The following PTN variants were observed in gnomAD, a reference collection of about 807,000 sequenced individuals.
PTN encodes pleiotrophin, also known as heparin affin regulatory protein.
Under a neutral mutation model 24.1 loss-of-function variants are expected in PTN, and 18 were observed. The ratio of observed to expected loss-of-function variants is 0.75; its 90% CI spans 0.52 to 1.11. The LOEUF (loss-of-function observed/expected upper bound fraction) is 1.11, where lower values mean the gene tolerates loss of function less well. Among genes scored for constraint, PTN ranks in the 50% least tolerant of loss-of-function variants. The pLI, the probability that PTN is intolerant of heterozygous loss-of-function variation, is 0.00. For synonymous variants in PTN, 78 were observed against 68.6 expected (o/e 1.14, Z -0.67); for missense variants, 163 against 198.8 (o/e 0.82, Z 1.08).
chr7:137,264,263 G>A (rs566359165), intron 1 of PTN, among the ~76,000 whole-genome samples: 3 of 152,134 alleles, frequency 2.0e-5, no homozygotes, highest in South Asian at 4.1e-4. Flanking sequence ...TTAGAGTCCC[G>A]GTACACTTAT....
chr7:137,292,560 G>A (rs1809655333), intron 1 of PTN, among the ~76,000 whole-genome samples: 1 of 152,140 alleles, frequency 6.6e-6, no homozygotes, highest in Non-Finnish European at 1.5e-5. Context: ...CAGCCATGTG[G>A]AACTGTGAGT....
intron 1 of PTN, among the ~76,000 whole-genome samples, chr7:137,257,136 T>C (rs1808941395): frequency 6.6e-6 from 1 of 152,208 alleles, no homozygotes; most frequent in African/African-American, 2.4e-5. Context: ...ATTTCACTTA[T>C]CAATTAAAAT....
chr7:137,279,646 G>C (rs1809433022), intron 1 of PTN, among the ~76,000 whole-genome samples: 1 of 152,170 alleles, frequency 6.6e-6, no homozygotes, highest in Non-Finnish European at 1.5e-5. Context: ...ATAAACTATA[G>C]AGATAGAAAA....
rs1008244960 is a variant in PTN at position 137,319,613 on chromosome 7, G to T, written c.-2+23826C>A. ...GAAAACCCAGGATGTCTCCCCTGTGGGGTTTTGTTTTCCATTTTATCAGGA... is the reference window on the plus strand; with the variant it reads ...GAAAACCCAGGATGTCTCCCCTGTGTGGTTTTGTTTTCCATTTTATCAGGA... On this transcript the variant is annotated intron_variant, in intron 1 of 4. Coordinates refer to ENST00000348225, the MANE Select transcript of PTN (RefSeq NM_002825.7). Among the ~76,000 whole-genome samples the T allele has an allele frequency of 2.0e-5, 3 of 152,176 alleles. No individual in the cohort carries two copies. In the East Asian group the frequency reaches 5.8e-4, roughly 29 times the overall value.
chr7:137,322,737 G>T (rs928360158), intron 1 of PTN, among the ~76,000 whole-genome samples: 1 of 152,088 alleles, frequency 6.6e-6, no homozygotes, highest in African/African-American at 2.4e-5. Context: ...TACAGAATAA[G>T]CATTTTTCCG....
chr7:137,327,563 C>T (rs1054249151), intron 1 of PTN, among the ~76,000 whole-genome samples: 12 of 152,080 alleles, frequency 7.9e-5, no homozygotes, highest in South Asian at 2.1e-4. Flanking sequence ...TGGGATGTGA[C>T]GGGAGGAGGA....
chr7:137,294,029 G>C (rs1340937247), intron 1 of PTN, among the ~76,000 whole-genome samples: 1 of 152,020 alleles, frequency 6.6e-6, no homozygotes, highest in Non-Finnish European at 1.5e-5. Flanking sequence ...TCTTGAGTCT[G>C]TTCTTACACA....
intron 4 of PTN, among the ~76,000 whole-genome samples, chr7:137,238,083 T>C (rs1307528507): frequency 6.6e-6 from 1 of 152,132 alleles, no homozygotes; most frequent in Non-Finnish European, 1.5e-5. Flanking sequence ...CTAGAAAAAG[T>C]CTTTATTATT....
chr7:137,235,436 T>C (rs886633659), intron 4 of PTN, among the ~76,000 whole-genome samples: 2 of 152,128 alleles, frequency 1.3e-5, no homozygotes, highest in Admixed American at 6.6e-5. Flanking sequence ...AATTTCCAAA[T>C]ATTTCAGTTT....
intron 1 of PTN, among the ~76,000 whole-genome samples, chr7:137,337,677 A>C (rs756075592): frequency 1.6e-4 from 24 of 152,220 alleles, no homozygotes; most frequent in Non-Finnish European, 2.9e-4. Flanking sequence ...GATTAGGAAG[A>C]CACTGTAGAG....
At chr7:137,297,015 A>T (rs1809729636) in intron 1 of PTN, among the ~76,000 whole-genome samples, 1 of 152,138 alleles carries the variant, frequency 6.6e-6, no homozygotes, top group South Asian at 2.1e-4. Flanking sequence ...AATTTAAATC[A>T]GCAAATACAT....
intron 1 of PTN, among the ~76,000 whole-genome samples, chr7:137,265,599 G>T (rs555618587): frequency 8.5e-5 from 13 of 152,344 alleles, no homozygotes; most frequent in African/African-American, 2.9e-4. Context: ...CAGACTTTGG[G>T]ATATAGCAGA....
intron 1 of PTN, among the ~76,000 whole-genome samples, chr7:137,331,242 AC>A (rs1180080148): frequency 6.6e-6 from 1 of 152,062 alleles, no homozygotes; most frequent in East Asian, 1.9e-4. Context: ...ATCCACATCT[AC>A]CCCCTTATTC....
At chr7:137,240,877 T>G (rs1808616642) in intron 4 of PTN, among the ~76,000 whole-genome samples, 1 of 152,226 alleles carries the variant, frequency 6.6e-6, no homozygotes, top group Admixed American at 6.5e-5. Context: ...TTAAGTCCTC[T>G]GCATATTAGT....
rs200136588 is a variant in PTN at position 137,274,373 on chromosome 7, T to TA, written c.-1-19400_-1-19399insT. Among the ~76,000 whole-genome samples the TA allele has an allele frequency of 7.4e-4, 112 of 152,194 alleles. 1 individual carries two copies. Among genetic ancestry groups the TA allele is most frequent in the African/African-American group, 2.6e-3 (106 of 41,520 alleles). On this transcript the variant is annotated intron_variant, in intron 1 of 4. Transcript: ENST00000348225. Reference sequence around the variant, plus strand: ...TAGTGACACAGAACAGTATTTTTTTTTATATATACTTTAAGTTCTGGGGTA... The same window carrying TA: ...TAGTGACACAGAACAGTATTTTTTTTATATATATACTTTAAGTTCTGGGGTA...
At chr7:137,323,589 CT>C (rs780990108) in intron 1 of PTN, among the ~76,000 whole-genome samples, 7 of 152,122 alleles carry the variant, frequency 4.6e-5, no homozygotes, top group Non-Finnish European at 7.4e-5. Context: ...AGGGATTTTG[CT>C]TTCTTAATGT....
chr7:137,229,538 T>A (rs1256761331), intron 4 of PTN, among the ~76,000 whole-genome samples: 2 of 151,808 alleles, frequency 1.3e-5, no homozygotes, highest in African/African-American at 4.8e-5. Context: ...CAAAGTCCAT[T>A]ACACACTAGT....
chr7:137,320,187 T>C (rs1192235893), intron 1 of PTN, among the ~76,000 whole-genome samples: 3 of 152,236 alleles, frequency 2.0e-5, no homozygotes, highest in East Asian at 3.9e-4. Context: ...AACAGTCTTC[T>C]ACTTTTGTCT....
At chr7:137,293,469 T>A (rs1809672446) in intron 1 of PTN, among the ~76,000 whole-genome samples, 1 of 152,096 alleles carries the variant, frequency 6.6e-6, no homozygotes, top group Non-Finnish European at 1.5e-5. Context: ...CTAGCATACT[T>A]GAAATGCTAG....
Sources: gnomAD v4.1 joint callset for allele counts (sites outside exome capture counted in the v4.1 genomes callset) on GRCh38, gnomAD v4.1.1 for gene constraint, MANE v1.5 for transcripts, NCBI Gene and HGNC (gene_info 2026-07-23, HGNC 2026-07-21) for gene names.